Variants in RNGTT observed in about 807,000 individuals in gnomAD.
RNGTT encodes RNA guanylyltransferase and 5'-phosphatase.
Under a neutral mutation model 79.3 loss-of-function variants are expected in RNGTT, and 33 were observed. That is an observed-to-expected ratio of 0.42 (90% CI 0.32 to 0.56). The LOEUF (loss-of-function observed/expected upper bound fraction) is 0.56. Ranked by LOEUF, RNGTT falls within the 20% of genes least tolerant of loss-of-function variation. The probability of loss-of-function intolerance (pLI) is 0.17; values close to 1 mark genes in which losing one functional copy is unlikely to be tolerated. For missense variants in RNGTT, 497 were observed against 739.1 expected, an observed-to-expected ratio of 0.67 and a Z score of 3.80; for synonymous variants, 222 against 235.9, an observed-to-expected ratio of 0.94 and a Z score of 0.54.
intron 13 of RNGTT, among the ~76,000 whole-genome samples, chr6:88,758,888 T>A (rs1038930410): frequency 4.6e-5 from 7 of 152,222 alleles, no homozygotes; most frequent in African/African-American, 1.7e-4. Context: ...TTATTTATTT[T>A]TTTATTATAC....
intron 11 of RNGTT, among the ~76,000 whole-genome samples, chr6:88,814,867 AT>A (rs1357372668): frequency 2.4e-4 from 36 of 152,312 alleles, no homozygotes; most frequent in Middle Eastern, 3.4e-3. Context: ...AAAATTTAAG[AT>A]TTTCAAATAA....
intron 13 of RNGTT, among the ~76,000 whole-genome samples, chr6:88,685,970 C>G (rs1775263242): frequency 6.6e-6 from 1 of 151,164 alleles, no homozygotes. Context: ...AAAACATGAT[C>G]TAAGGTTTAG....
chr6:88,680,143 T>G (rs970154372), intron 13 of RNGTT, among the ~76,000 whole-genome samples: 1 of 152,174 alleles, frequency 6.6e-6, no homozygotes, highest in Admixed American at 6.5e-5. Context: ...GATATAATCA[T>G]AGAAAATTAG....
chr6:88,614,846 T>C (rs917132316), intron 14 of RNGTT, among the ~76,000 whole-genome samples: 1 of 152,210 alleles, frequency 6.6e-6, no homozygotes. Flanking sequence ...AAAAGTTACA[T>C]ATCAATAGTG....
intron 12 of RNGTT, among the ~76,000 whole-genome samples, chr6:88,773,639 A>G (rs1778775814): frequency 6.6e-6 from 1 of 152,116 alleles, no homozygotes; most frequent in Non-Finnish European, 1.5e-5. Context: ...AATAGAATTA[A>G]GAGTACATAA....
In RNGTT at chr6:88,636,200, T is replaced by C. The variant is rs562341543; in HGVS notation, c.1507-21805A>G. On this transcript the variant is annotated intron_variant, in intron 14 of 15. Coordinates refer to ENST00000369485, the MANE Select transcript of RNGTT (RefSeq NM_003800.5). ...CCTGGAACTTCATTGGAAAGCTCTC[T>C]CTGATACATACATTTGTTGAGTACC... 1.1e-4 allele frequency among the ~76,000 whole-genome samples: 16 copies of C among 151,912 alleles called. No homozygotes were observed. The East Asian group carries it at 2.9e-3, about 28-fold the overall frequency.
intron 14 of RNGTT, among the ~76,000 whole-genome samples, chr6:88,624,627 T>C (rs915291847): frequency 6.6e-6 from 1 of 151,838 alleles, no homozygotes; most frequent in African/African-American, 2.4e-5. Context: ...ATAAAACTTC[T>C]AAAAGAAAAC....
chr6:88,957,772 G>A (rs1785483003), intron 1 of RNGTT, among the ~76,000 whole-genome samples: 1 of 152,050 alleles, frequency 6.6e-6, no homozygotes. Flanking sequence ...TCATAGATGG[G>A]TATAATCAAT....
At chr6:88,872,816 C>G (rs1280437709) in intron 8 of RNGTT, among the ~76,000 whole-genome samples, 1 of 152,078 alleles carries the variant, frequency 6.6e-6, no homozygotes, top group African/African-American at 2.4e-5. Flanking sequence ...GAAGCATGCA[C>G]AGAGGTAGCA....
intron 11 of RNGTT, among the ~76,000 whole-genome samples, chr6:88,827,703 G>A (rs1415079555): frequency 6.6e-6 from 1 of 152,132 alleles, no homozygotes; most frequent in African/African-American, 2.4e-5. Flanking sequence ...GAGCTTGGTG[G>A]GGGGAGGGGC....
chr6:88,718,660 TTTC>T (rs1776605288), intron 13 of RNGTT, among the ~76,000 whole-genome samples: 2 of 152,106 alleles, frequency 1.3e-5, no homozygotes, highest in Admixed American at 6.5e-5. Context: ...TTCTATTTTA[TTTC>T]TTATTTGTAT....
chr6:88,675,300 T>A (rs1000982361), intron 14 of RNGTT, among the ~76,000 whole-genome samples: 4 of 152,184 alleles, frequency 2.6e-5, no homozygotes, highest in Admixed American at 2.6e-4. Flanking sequence ...TGATAAAAGA[T>A]TAAATAATGC....
chr6:88,625,610 T>C (rs76938348), intron 14 of RNGTT, among the ~76,000 whole-genome samples: 4,542 of 151,956 alleles, frequency 0.03, 229 homozygotes, highest in African/African-American at 0.1. Context: ...TGTGGGGCTC[T>C]TTTTTAATGG....
chr6:88,886,290 C>T (rs1009889189), intron 8 of RNGTT, among the ~76,000 whole-genome samples: 1 of 150,008 alleles, frequency 6.7e-6, no homozygotes, highest in African/African-American at 2.5e-5. Flanking sequence ...TGGGCAACAG[C>T]GAGACTCCGT....
At chr6:88,735,457 G>T (rs943490198) in intron 13 of RNGTT, among the ~76,000 whole-genome samples, 1 of 151,370 alleles carries the variant, frequency 6.6e-6, no homozygotes, top group South Asian at 2.1e-4. Context: ...CAAATTTAAG[G>T]TTTTTTTCAG....
chr6:88,697,236 A>G (rs955023928), intron 13 of RNGTT, among the ~76,000 whole-genome samples: 22 of 152,324 alleles, frequency 1.4e-4, no homozygotes, highest in Non-Finnish European at 1.9e-4. Context: ...TAACTTGAAT[A>G]ATTCATTAGT....
chr6:88,852,597 T>C (rs936856546), intron 9 of RNGTT, among the ~76,000 whole-genome samples: 20 of 152,216 alleles, frequency 1.3e-4, no homozygotes, highest in Admixed American at 8.5e-4. Flanking sequence ...TAGAAAGTGG[T>C]ATTTTGTTAC....
intron 14 of RNGTT, among the ~76,000 whole-genome samples, chr6:88,653,299 G>T (rs768249985): frequency 6.6e-6 from 1 of 152,072 alleles, no homozygotes; most frequent in Non-Finnish European, 1.5e-5. Context: ...CTTTGTTCAA[G>T]CCATGTTTAA....
intron 13 of RNGTT, among the ~76,000 whole-genome samples, chr6:88,741,503 A>G (rs1674773398): frequency 6.6e-6 from 1 of 152,190 alleles, no homozygotes; most frequent in Non-Finnish European, 1.5e-5. Context: ...CTGGGTGACA[A>G]GATCAATTAT....
Sources: allele counts gnomAD v4.1 joint callset (sites outside exome capture counted in the v4.1 genomes callset), GRCh38; gene constraint gnomAD v4.1.1; transcripts MANE v1.5; gene names NCBI Gene and HGNC (gene_info 2026-07-23, HGNC 2026-07-21).